Variants in RNF111 observed in about 807,000 individuals in gnomAD.
RNF111 encodes the protein E3 ubiquitin-protein ligase Arkadia.
A neutral mutation model predicts 95.1 loss-of-function variants in RNF111; 17 were observed. The observed-to-expected ratio is 0.18, with a 90% CI of 0.12 to 0.27. RNF111 has a LOEUF of 0.27. RNF111 is among the 10% of genes least tolerant of loss of function. The pLI, the probability that RNF111 is intolerant of heterozygous loss-of-function variation, is 1.00. For missense variants in RNF111, 1,189 were observed against 1,210.4 expected, an observed-to-expected ratio of 0.98 and a Z score of 0.26; for synonymous variants, 440 against 414.8, an observed-to-expected ratio of 1.06 and a Z score of -0.74.
At chr15:59,059,396 C>T (rs997058546) in intron 5 of RNF111, among the ~76,000 whole-genome samples, 3 of 152,120 alleles carry the variant, frequency 2.0e-5, no homozygotes, top group South Asian at 2.1e-4. Flanking sequence ...GGAACCCTTG[C>T]GAATTGCTGG....
intron 1 of RNF111, among the ~76,000 whole-genome samples, chr15:59,017,458 A>G (rs1169754009): frequency 6.6e-6 from 1 of 152,198 alleles, no homozygotes; most frequent in East Asian, 1.9e-4. Context: ...AGATTGTTAA[A>G]TTTTGAAGAC....
chr15:59,066,902 C>G lies in RNF111; in HGVS notation c.1505C>G (p.Thr502Arg), dbSNP rs2142078939. ...CACCATGCATTAGGACATCCTCATA[C>G]AAGTTGCTTTCAGCAGCATGGTCAC... The part of the protein sequence containing the change: ...QNHHALGHPH[T>R]SCFQQHGHHF... Residue 502 changes from threonine to arginine, a missense_variant, in exon 6 of 14, where the codon ACA becomes AGA. Physicochemically the swap from Thr to Arg is moderately conservative, Grantham distance 71 (BLOSUM62 -1). Around this residue, in one of 2 missense-constraint regions of RNF111, gnomAD observed 1,024 missense variants for 925.9 expected, o/e 1.11. Transcript: ENST00000348370. 6.2e-7 allele frequency: 1 copy of G among 1,614,088 alleles called. No homozygotes were observed. Among genetic ancestry groups the G allele is most frequent in the Non-Finnish European group, 8.5e-7 (1 of 1,180,014 alleles).
chr15:59,045,215 T>C (rs1420464637), intron 2 of RNF111, among the ~76,000 whole-genome samples: 1 of 149,640 alleles, frequency 6.7e-6, no homozygotes, highest in Non-Finnish European at 1.5e-5. Context: ...TGAGACAGAG[T>C]TTTTGTTCTT....
At chr15:58,995,446 C>T (rs1187870109) in intron 1 of RNF111, among the ~76,000 whole-genome samples, 1 of 144,912 alleles carries the variant, frequency 6.9e-6, no homozygotes, top group Non-Finnish European at 1.5e-5. Flanking sequence ...GCTCCTGTGT[C>T]TTTTTAACAT....
chr15:59,032,561 A>G (rs911922508), intron 2 of RNF111, among the ~76,000 whole-genome samples: 7 of 152,150 alleles, frequency 4.6e-5, no homozygotes, highest in Admixed American at 1.3e-4. Context: ...AGCTGGGACT[A>G]CAGGCCCACA....
intron 2 of RNF111, among the ~76,000 whole-genome samples, chr15:59,047,172 G>T (rs1489741883): frequency 6.6e-6 from 1 of 152,108 alleles, no homozygotes; most frequent in Non-Finnish European, 1.5e-5. Context: ...ATTAAACATG[G>T]ACAGAAGAAT....
At chr15:59,086,798 A>T (rs904266589) in intron 10 of RNF111, among the ~76,000 whole-genome samples, 1 of 152,208 alleles carries the variant, frequency 6.6e-6, no homozygotes, top group Non-Finnish European at 1.5e-5. Context: ...AAACTGTTCT[A>T]CCAAGAAACT....
At chr15:59,065,736 G>T (rs1222544639) in intron 5 of RNF111, among the ~76,000 whole-genome samples, 1 of 152,170 alleles carries the variant, frequency 6.6e-6, no homozygotes, top group Non-Finnish European at 1.5e-5. Context: ...CCCAGACATG[G>T]TGGCTCACGC....
intron 1 of RNF111, among the ~76,000 whole-genome samples, chr15:59,022,962 A>G (rs1399520809): frequency 3.9e-5 from 6 of 152,022 alleles, no homozygotes; most frequent in Non-Finnish European, 8.8e-5. Flanking sequence ...AAGTGAGGAA[A>G]TTGGCTGGGC....
intron 2 of RNF111, among the ~76,000 whole-genome samples, chr15:59,051,750 C>T (rs1346088044): frequency 6.6e-6 from 1 of 151,382 alleles, no homozygotes; most frequent in African/African-American, 2.4e-5. Flanking sequence ...CCAGCCTGGG[C>T]AACAGAGTGA....
Position 59,081,287 on chromosome 15 carries a change from A to G in RNF111, c.2297+3A>G. On this transcript the variant is annotated splice_donor_region_variant and intron_variant, in intron 8 of 13. Coordinates refer to ENST00000348370, the MANE Select transcript of RNF111 (RefSeq NM_017610.8). ...AGGAGGATGATGCAGCATCCAACGTATGTTTTACGTTTTTAAAAAGAAAGT... is the reference window on the plus strand; with the variant it reads ...AGGAGGATGATGCAGCATCCAACGTGTGTTTTACGTTTTTAAAAAGAAAGT... 6.2e-7 allele frequency: 1 copy of G among 1,610,020 alleles called. No individual in the cohort carries two copies. Among genetic ancestry groups the G allele is most frequent in the Non-Finnish European group, 8.5e-7 (1 of 1,177,052 alleles).
chr15:59,018,287 G>T (rs965738394), intron 1 of RNF111, among the ~76,000 whole-genome samples: 13 of 152,008 alleles, frequency 8.6e-5, no homozygotes, highest in Non-Finnish European at 1.5e-5. Context: ...ATCTGCTAAC[G>T]GTCACTGCCA....
At chr15:58,995,047 CTT>C (rs1381348010) in intron 1 of RNF111, among the ~76,000 whole-genome samples, 1 of 152,150 alleles carries the variant, frequency 6.6e-6, no homozygotes, top group East Asian at 1.9e-4. Context: ...TGTCATATCT[CTT>C]TAGTCTCCTG....
intron 2 of RNF111, among the ~76,000 whole-genome samples, chr15:59,040,172 T>G (rs540030947): frequency 1.3e-5 from 2 of 152,090 alleles, no homozygotes; most frequent in East Asian, 3.9e-4. Context: ...TGGAGAGCAG[T>G]GGTACACTCA....
chr15:59,026,255 A>C (rs983247242), intron 1 of RNF111, among the ~76,000 whole-genome samples: 3 of 152,084 alleles, frequency 2.0e-5, no homozygotes, highest in African/African-American at 7.2e-5. Flanking sequence ...GATGTGAATT[A>C]CTAAATCCCA....
At chr15:59,064,460 C>T (rs146842281) in intron 5 of RNF111, among the ~76,000 whole-genome samples, 2,724 of 143,104 alleles carry the variant, frequency 0.019, 57 homozygotes, top group East Asian at 0.04. Flanking sequence ...GGCGTGAACC[C>T]GGGAGGCAGA....
chr15:58,999,269 A>G (rs1324021549), intron 1 of RNF111, among the ~76,000 whole-genome samples: 1 of 152,242 alleles, frequency 6.6e-6, no homozygotes, highest in Non-Finnish European at 1.5e-5. Flanking sequence ...GTATAGCATT[A>G]CCGCTCTTAT....
chr15:59,092,028 T>G (rs1177519295), intron 12 of RNF111, among the ~76,000 whole-genome samples: 1 of 152,242 alleles, frequency 6.6e-6, no homozygotes, highest in Non-Finnish European at 1.5e-5. Context: ...GGTTGGAGAC[T>G]CCTTTATACT....
chr15:58,997,521 A>C (rs1409219393), intron 1 of RNF111, among the ~76,000 whole-genome samples: 3 of 151,984 alleles, frequency 2.0e-5, no homozygotes, highest in African/African-American at 7.2e-5. Context: ...GCAGTTAAAA[A>C]AAAAAAAAAA....
Sources: allele counts gnomAD v4.1 joint callset (sites outside exome capture counted in the v4.1 genomes callset), GRCh38; gene constraint gnomAD v4.1.1; regional missense constraint gnomAD v4.1.1; transcripts MANE v1.5; gene names NCBI Gene and HGNC (gene_info 2026-07-23, HGNC 2026-07-21).